CDKAL1: variants seen among roughly 807,000 people sequenced by gnomAD.
CDKAL1 encodes the protein CDKAL1 threonylcarbamoyladenosine tRNA methylthiotransferase.
A neutral mutation model predicts 68.2 loss-of-function variants in CDKAL1; 32 were observed. The observed-to-expected ratio is 0.47, with a 90% confidence interval of 0.35 to 0.63. The LOEUF is 0.63. Among genes scored for constraint, CDKAL1 ranks in the 30% least tolerant of loss-of-function variants. CDKAL1 has a pLI of 0.00. For synonymous variants in CDKAL1, 234 were observed against 244.3 expected (o/e 0.96, Z 0.39); for missense variants, 606 against 696.7 (o/e 0.87, Z 1.47).
intron 5 of CDKAL1, among the ~76,000 whole-genome samples, chr6:20,668,291 A>G (rs1769647093): frequency 6.6e-6 from 1 of 152,176 alleles, no homozygotes; most frequent in Admixed American, 6.6e-5. Context: ...TTGGCATTAT[A>G]AATACTGCTT....
At chr6:20,584,232 G>A (rs1319354355) in intron 4 of CDKAL1, among the ~76,000 whole-genome samples, 2 of 152,064 alleles carry the variant, frequency 1.3e-5, no homozygotes, top group African/African-American at 4.8e-5. Context: ...TGTGGTGTCT[G>A]TAAGTCTGGG....
Position 20,853,404 on chromosome 6 carries a change from A to C in CDKAL1, c.742+7226A>C, listed in dbSNP as rs370416079. Reference sequence around the variant, plus strand: ...CAAAAAACAAAACAAAAAAAAAACAAAAAAAAAAACCCTATATGATAGGGG... The same window carrying C: ...CAAAAAACAAAACAAAAAAAAAACACAAAAAAAAACCCTATATGATAGGGG... On this transcript the variant is annotated intron_variant, in intron 9 of 15. Coordinates refer to ENST00000274695, the MANE Select transcript of CDKAL1 (RefSeq NM_017774.3). Among the ~76,000 whole-genome samples the C allele has an allele frequency of 1.0e-2, 1,138 of 113,882 alleles. 28 individuals carry two copies. The highest frequency in any genetic ancestry group is 0.03 in the African/African-American group (1,066 of 35,762). 74.7% of individuals were successfully genotyped at this position (113,882 alleles called of 152,430 possible).
At chr6:20,932,404 A>G (rs926301530) in intron 9 of CDKAL1, among the ~76,000 whole-genome samples, 3 of 152,146 alleles carry the variant, frequency 2.0e-5, no homozygotes, top group Non-Finnish European at 4.4e-5. Context: ...TTGAAGTTGT[A>G]ACATACTTTA....
intron 7 of CDKAL1, among the ~76,000 whole-genome samples, chr6:20,776,225 A>G (rs1432279146): frequency 2.0e-5 from 3 of 152,222 alleles, no homozygotes; most frequent in African/African-American, 7.2e-5. Flanking sequence ...ATGCCTTTGC[A>G]TAGTCATTAT....
intron 13 of CDKAL1, among the ~76,000 whole-genome samples, chr6:21,194,460 G>A (rs115161653): frequency 0.015 from 2,294 of 152,258 alleles, 58 homozygotes; most frequent in African/African-American, 0.052. Context: ...GACTACCTCT[G>A]CCATTAGCAT....
At chr6:21,088,996 C>G (rs1192122237) in intron 12 of CDKAL1, among the ~76,000 whole-genome samples, 5 of 152,104 alleles carry the variant, frequency 3.3e-5, no homozygotes, top group Admixed American at 6.6e-5. Context: ...ATGATTCTTT[C>G]CCATTATCTA....
chr6:20,861,223 CAAAG>C (rs1166001291), intron 9 of CDKAL1, among the ~76,000 whole-genome samples: 2 of 152,156 alleles, frequency 1.3e-5, no homozygotes, highest in Non-Finnish European at 2.9e-5. Context: ...GTCATTAAAA[CAAAG>C]AGATCTGATT....
intron 5 of CDKAL1, among the ~76,000 whole-genome samples, chr6:20,701,407 T>C (rs769416848): frequency 7.2e-5 from 11 of 152,178 alleles, no homozygotes; most frequent in East Asian, 3.9e-4. Context: ...AAGTAGTAGC[T>C]CTCTGCTTTT....
chr6:21,050,367 T>C (rs1770477722), intron 11 of CDKAL1, among the ~76,000 whole-genome samples: 1 of 152,190 alleles, frequency 6.6e-6, no homozygotes, highest in Non-Finnish European at 1.5e-5. Context: ...AGCCTGCCTG[T>C]GTTATAGCTT....
intron 13 of CDKAL1, among the ~76,000 whole-genome samples, chr6:21,122,227 A>T (rs76674736): frequency 0.017 from 2,614 of 152,334 alleles, 84 homozygotes; most frequent in African/African-American, 0.059. Context: ...TTTGCATTTT[A>T]AAATATATTA....
chr6:20,680,689 A>G (rs1332547229), intron 5 of CDKAL1, among the ~76,000 whole-genome samples: 1 of 152,220 alleles, frequency 6.6e-6, no homozygotes, highest in African/African-American at 2.4e-5. Context: ...GATTCTCTTG[A>G]AAGTGCTTCA....
intron 5 of CDKAL1, among the ~76,000 whole-genome samples, chr6:20,658,101 G>T (rs35260725): frequency 0.15 from 22,442 of 152,212 alleles, 1,875 homozygotes; most frequent in Non-Finnish European, 0.18. Context: ...TTTGGTTAAT[G>T]CTTTATAGAA....
chr6:21,052,118 T>C (rs1770572983), intron 11 of CDKAL1, among the ~76,000 whole-genome samples: 1 of 152,246 alleles, frequency 6.6e-6, no homozygotes, highest in Admixed American at 6.5e-5. Flanking sequence ...TTAATAAAAC[T>C]ATGAGAATAA....
chr6:20,996,080 C>T (rs906159675), intron 10 of CDKAL1, among the ~76,000 whole-genome samples: 1 of 152,228 alleles, frequency 6.6e-6, no homozygotes, highest in Non-Finnish European at 1.5e-5. Flanking sequence ...TAGCTTCAAA[C>T]GTCTTCTGCA....
intron 4 of CDKAL1, among the ~76,000 whole-genome samples, chr6:20,563,045 T>C (rs963568116): frequency 5.9e-5 from 9 of 152,216 alleles, no homozygotes; most frequent in African/African-American, 1.7e-4. Context: ...TCTTATTGAC[T>C]TGTCTTTTTT....
At chr6:20,554,260 A>G (rs116343884) in intron 4 of CDKAL1, among the ~76,000 whole-genome samples, 228 of 152,380 alleles carry the variant, frequency 1.5e-3, no homozygotes, top group African/African-American at 5.2e-3. Context: ...ATATAATTAG[A>G]TTAGTATCTT....
At chr6:20,859,176 C>A (rs904318338) in intron 9 of CDKAL1, among the ~76,000 whole-genome samples, 1 of 151,692 alleles carries the variant, frequency 6.6e-6, no homozygotes, top group Admixed American at 6.6e-5. Context: ...TTCATGGATT[C>A]TCTTTGATCA....
At position 21,176,692 on chromosome 6, in the gene CDKAL1, TTTTG is replaced by T. The variant is rs1247026469; in HGVS notation, c.1300-21325_1300-21322del. 1.8e-4 allele frequency among the ~76,000 whole-genome samples: 25 copies of T among 136,302 alleles called. 1 individual carries two copies. Among genetic ancestry groups the T allele is most frequent in the Middle Eastern group, 3.6e-3 (1 of 274 alleles). The allele number at this position is 136,302 out of a possible 152,430, so 89.4% of individuals were successfully genotyped here. On this transcript the variant is annotated intron_variant, in intron 13 of 15. Coordinates refer to ENST00000274695, the MANE Select transcript of CDKAL1 (RefSeq NM_017774.3). ...ATGGGCTGGATGTTGGTTTTTTTTT[TTTTG>T]TTTTTTTTTTTTTTTTGAGACGGAG...
chr6:20,673,047 G>A (rs1769924947), intron 5 of CDKAL1, among the ~76,000 whole-genome samples: 1 of 152,244 alleles, frequency 6.6e-6, no homozygotes, highest in African/African-American at 2.4e-5. Context: ...AGAGTGCTGG[G>A]ATTACAGGCC....
Sources: allele counts gnomAD v4.1 joint callset (sites outside exome capture counted in the v4.1 genomes callset), GRCh38; gene constraint gnomAD v4.1.1; transcripts MANE v1.5; gene names NCBI Gene and HGNC (gene_info 2026-07-23, HGNC 2026-07-21).